Variants in FGF14 observed in about 807,000 individuals in gnomAD.
The protein encoded by FGF14 is fibroblast growth factor homologous factor 4.
In FGF14, 5 loss-of-function variants were observed where a neutral mutation model predicts 25.5. The ratio of observed to expected loss-of-function variants is 0.20; its 90% CI spans 0.10 to 0.41. FGF14 has a LOEUF of 0.41. Among genes scored for constraint, FGF14 ranks in the 10% least tolerant of loss-of-function variants. The pLI, the probability that FGF14 is intolerant of heterozygous loss-of-function variation, is 1.00. For missense variants in FGF14, 222 were observed against 320.1 expected, an observed-to-expected ratio of 0.69 and a Z score of 2.34; for synonymous variants, 138 against 118.3, an observed-to-expected ratio of 1.17 and a Z score of -1.08.
chr13:102,052,344 A>C (rs968976375), intron 1 of FGF14, among the ~76,000 whole-genome samples: 1 of 152,106 alleles, frequency 6.6e-6, no homozygotes, highest in African/African-American at 2.4e-5. Context: ...AAAAAATAGC[A>C]AAAACTTTCC....
At chr13:101,795,422 G>T (rs6416376) in intron 3 of FGF14, among the ~76,000 whole-genome samples, 28 of 151,988 alleles carry the variant, frequency 1.8e-4, no homozygotes, top group Admixed American at 1.4e-3. Flanking sequence ...TTTTGTTTAA[G>T]GTAACTAGTA....
chr13:102,399,898 T>C (rs374757565), intron 1 of FGF14, among the ~76,000 whole-genome samples: 3 of 152,014 alleles, frequency 2.0e-5, no homozygotes, highest in African/African-American at 4.8e-5. Context: ...AGAGCCTCAA[T>C]TGCCACCCCA....
intron 3 of FGF14, among the ~76,000 whole-genome samples, chr13:101,862,692 T>C (rs137881393): frequency 6.6e-6 from 1 of 152,244 alleles, no homozygotes; most frequent in East Asian, 1.9e-4. Flanking sequence ...ACACGAATGC[T>C]GGATGTTGAA....
intron 1 of FGF14, among the ~76,000 whole-genome samples, chr13:102,153,370 C>A (rs77318018): frequency 0.035 from 5,277 of 152,232 alleles, 324 homozygotes; most frequent in East Asian, 0.2. Context: ...ATAGAAAGAA[C>A]TTGATTCTTG....
At chr13:102,071,015 C>T (rs2043133664) in intron 1 of FGF14, among the ~76,000 whole-genome samples, 2 of 152,072 alleles carry the variant, frequency 1.3e-5, no homozygotes, top group Non-Finnish European at 2.9e-5. Context: ...CTAAGCTCAT[C>T]TGAGGGAACA....
chr13:102,337,111 G>T (rs2056810439), intron 1 of FGF14, among the ~76,000 whole-genome samples: 1 of 152,154 alleles, frequency 6.6e-6, no homozygotes. Flanking sequence ...CCTACATTTT[G>T]TAAAGCTATT....
intron 1 of FGF14, among the ~76,000 whole-genome samples, chr13:102,276,486 T>C (rs1483941827): frequency 1.3e-5 from 2 of 151,636 alleles, no homozygotes; most frequent in Admixed American, 6.6e-5. Context: ...TTCTTAATGT[T>C]CATTGCATCT....
intron 1 of FGF14, among the ~76,000 whole-genome samples, chr13:102,086,885 G>A (rs1441497836): frequency 6.6e-6 from 1 of 152,170 alleles, no homozygotes; most frequent in South Asian, 2.1e-4. Flanking sequence ...CCAGGATTAC[G>A]TAGAGTGAGT....
At chr13:101,866,155 A>G (rs1042569299) in intron 3 of FGF14, among the ~76,000 whole-genome samples, 2 of 152,124 alleles carry the variant, frequency 1.3e-5, no homozygotes, top group South Asian at 2.1e-4. Context: ...TTTTAACTCA[A>G]AAATCTTTAA....
chr13:102,345,110 G>GA (rs762716862), intron 1 of FGF14, among the ~76,000 whole-genome samples: 5 of 152,098 alleles, frequency 3.3e-5, no homozygotes, highest in Non-Finnish European at 7.4e-5. Context: ...AACATCTGGG[G>GA]AAAATCACTT....
intron 1 of FGF14, among the ~76,000 whole-genome samples, chr13:102,357,886 G>A (rs1163298379): frequency 6.6e-6 from 1 of 152,118 alleles, no homozygotes; most frequent in Non-Finnish European, 1.5e-5. Flanking sequence ...CCGTCCTCTA[G>A]AGCAAAATGT....
intron 3 of FGF14, among the ~76,000 whole-genome samples, chr13:101,788,188 CT>C (rs960953298): frequency 7.3e-5 from 11 of 151,326 alleles, no homozygotes; most frequent in African/African-American, 1.7e-4. Flanking sequence ...CCCTCCTCCA[CT>C]TTTTTTTTCC....
intron 3 of FGF14, among the ~76,000 whole-genome samples, chr13:101,756,594 G>A (rs1157908866): frequency 6.6e-6 from 1 of 152,070 alleles, no homozygotes; most frequent in African/African-American, 2.4e-5. Context: ...TTAGCCGGGT[G>A]CGGTGGCACA....
intron 3 of FGF14, among the ~76,000 whole-genome samples, chr13:101,842,703 C>T (rs1270406654): frequency 1.3e-5 from 2 of 151,980 alleles, no homozygotes; most frequent in Non-Finnish European, 2.9e-5. Flanking sequence ...GCAGATCTGA[C>T]CAGCATGACT....
intron 1 of FGF14, among the ~76,000 whole-genome samples, chr13:102,203,206 GTAA>G (rs2049749568): frequency 6.6e-6 from 1 of 152,166 alleles, no homozygotes; most frequent in African/African-American, 2.4e-5. Context: ...TGTAAATACT[GTAA>G]TAAATTAGTT....
At chr13:102,069,726 G>A (rs2043076714) in intron 1 of FGF14, among the ~76,000 whole-genome samples, 2 of 152,152 alleles carry the variant, frequency 1.3e-5, no homozygotes, top group Admixed American at 1.3e-4. Context: ...CTGAACATCA[G>A]AAGGAACAAA....
At chr13:102,161,383 C>T (rs1241493291) in intron 1 of FGF14, among the ~76,000 whole-genome samples, 1 of 152,004 alleles carries the variant, frequency 6.6e-6, no homozygotes, top group African/African-American at 2.4e-5. Context: ...GTAACTGTGG[C>T]TGTCTTGTCA....
Position 101,769,676 on chromosome 13 carries a change from G to A in FGF14, c.409-42866C>T, listed in dbSNP as rs1172604307. On this transcript the variant is annotated intron_variant, in intron 3 of 4. Coordinates refer to ENST00000376143, the MANE Select transcript of FGF14 (RefSeq NM_004115.4). ...GAACAGACATGGAATAAACTTACGT[G>A]TGTATTACTAAGTGAAAGGAGCCAA... Among the ~76,000 whole-genome samples, 3 of 152,126 alleles carry A rather than the reference G, an allele frequency of 2.0e-5. No homozygotes were observed. The East Asian group carries it at 5.8e-4, about 29-fold the overall frequency.
At chr13:102,038,051 G>C (rs546376987) in intron 1 of FGF14, among the ~76,000 whole-genome samples, 4 of 152,274 alleles carry the variant, frequency 2.6e-5, no homozygotes, top group African/African-American at 4.8e-5. Context: ...TGTACAGCTA[G>C]AGAGATTGCT....
Sources: gnomAD v4.1 joint callset for allele counts (sites outside exome capture counted in the v4.1 genomes callset) on GRCh38, gnomAD v4.1.1 for gene constraint, MANE v1.5 for transcripts, NCBI Gene and HGNC (gene_info 2026-07-23, HGNC 2026-07-21) for gene names.